UNC93A: variants seen among roughly 807,000 people sequenced by gnomAD.
UNC93A encodes N-acetylglucosamine transporter UNC93A.
A neutral mutation model predicts 47.5 loss-of-function variants in UNC93A; 43 were observed. That is an observed-to-expected ratio of 0.91 (90% confidence interval 0.71 to 1.17). The LOEUF (loss-of-function observed/expected upper bound fraction) is 1.17, where lower values mean the gene tolerates loss of function less well. UNC93A is among the 50% of genes most tolerant of loss of function. The pLI, the probability that UNC93A is intolerant of heterozygous loss-of-function variation, is 0.00. For synonymous variants in UNC93A, 280 were observed against 258.0 expected (o/e 1.09, Z -0.82); for missense variants, 605 against 577.6 (o/e 1.05, Z -0.49).
At position 167,304,128 on chromosome 6, in the gene UNC93A, A is replaced by G; in HGVS notation, c.835A>G (p.Thr279Ala). 6.2e-7 allele frequency: 1 copy of G among 1,614,208 alleles called. No individual in the cohort carries two copies. Among genetic ancestry groups the G allele is most frequent in the Non-Finnish European group, 8.5e-7 (1 of 1,180,040 alleles). Residue 279 changes from threonine to alanine, a missense_variant, in exon 5 of 8, where the codon ACA (threonine) becomes GCA (alanine). By Grantham distance (58) the Thr-to-Ala change is moderately conservative. Coordinates refer to ENST00000230256, the MANE Select transcript of UNC93A (RefSeq NM_018974.4). Reference protein sequence around the residue: ...LQQGFLSSEYTRSYVTCTLGI... With the variant: ...LQQGFLSSEYARSYVTCTLGI... The stretch of plus-strand genomic sequence containing the variant: ...GCAAGGATTCCTCTCCAGCGAATAC[A>G]CAAGGGTATGAACGAAAGTGAGGGC...
chr6:167,281,263 G>A (rs891018296), intron 1 of UNC93A, among the ~76,000 whole-genome samples: 3 of 151,700 alleles, frequency 2.0e-5, no homozygotes, highest in African/African-American at 7.3e-5. Context: ...ATCCCACGGA[G>A]AGGAGCCCCA....
At chr6:167,309,604 A>C (rs1236653549) in intron 7 of UNC93A, among the ~76,000 whole-genome samples, 1 of 152,050 alleles carries the variant, frequency 6.6e-6, no homozygotes, top group African/African-American at 2.4e-5. Flanking sequence ...GAAAAAGCAA[A>C]CCCACAAACG....
chr6:167,292,479 G>T (rs1486619215), intron 1 of UNC93A, among the ~76,000 whole-genome samples: 1 of 152,114 alleles, frequency 6.6e-6, no homozygotes, highest in Non-Finnish European at 1.5e-5. Context: ...CAAACACTTG[G>T]GACTCCTGGG....
chr6:167,315,470 G>A lies in UNC93A; in HGVS notation c.*18G>A, dbSNP rs1778669604. ...AAATGTGAGAGCAGTGAGGTCCGAG[G>A]AGGATGAACTCAGAAAGCACCAGCC... On this transcript the variant is annotated 3_prime_UTR_variant, in exon 8 of 8. Coordinates refer to ENST00000230256, the MANE Select transcript of UNC93A (RefSeq NM_018974.4). The A allele has an allele frequency of 6.2e-7, 1 of 1,613,800 alleles. No homozygotes were observed. The highest frequency in any genetic ancestry group is 1.1e-5 in the South Asian group (1 of 91,078).
At chr6:167,293,999 T>A (rs1362504615) in intron 1 of UNC93A, among the ~76,000 whole-genome samples, 2 of 152,196 alleles carry the variant, frequency 1.3e-5, no homozygotes, top group African/African-American at 4.8e-5. Flanking sequence ...CCTGGTCCAT[T>A]CTCAAACCTT....
intron 1 of UNC93A, among the ~76,000 whole-genome samples, chr6:167,272,983 A>T (rs533455123): frequency 7.5e-4 from 114 of 151,962 alleles, no homozygotes; most frequent in African/African-American, 2.7e-3. Context: ...GCCCTGGCAG[A>T]GGAGGAGGTT....
At chr6:167,313,504 G>C (rs929702732) in intron 7 of UNC93A, among the ~76,000 whole-genome samples, 3 of 151,960 alleles carry the variant, frequency 2.0e-5, no homozygotes, top group African/African-American at 7.3e-5. Flanking sequence ...GGGAGATGGT[G>C]GGGGGGCTGG....
chr6:167,307,214 A>C (rs1358195223), intron 6 of UNC93A, among the ~76,000 whole-genome samples: 1 of 152,158 alleles, frequency 6.6e-6, no homozygotes, highest in African/African-American at 2.4e-5. Context: ...TCCCAACATG[A>C]TGCCAGACCA....
chr6:167,270,692 T>C (rs532168685), upstream of UNC93A, among the ~76,000 whole-genome samples: 1 of 152,234 alleles, frequency 6.6e-6, no homozygotes, highest in African/African-American at 2.4e-5. Context: ...ACCAATGTCC[T>C]CATGGGAGGA....
At position 167,291,587 on chromosome 6, in the gene UNC93A, C is replaced by T; in HGVS notation, c.87+11C>T. 2 of 1,600,256 alleles carry T rather than the reference C, an allele frequency of 1.2e-6. No individual in the cohort carries two copies. The highest frequency in any genetic ancestry group is 1.7e-6 in the Non-Finnish European group (2 of 1,174,842). ...CTGCAGAGCCTGCAGGTATGTGTGTCCGGTCATCAAATTACCTGAACTTCT... is the reference window on the plus strand; with the variant it reads ...CTGCAGAGCCTGCAGGTATGTGTGTTCGGTCATCAAATTACCTGAACTTCT... On this transcript the variant is annotated intron_variant, in intron 1 of 7. Coordinates refer to ENST00000230256, the MANE Select transcript of UNC93A (RefSeq NM_018974.4).
At position 167,307,783 on chromosome 6, in the gene UNC93A, G is replaced by A. The variant is rs753203183; in HGVS notation, c.981G>A (p.Ala327=). The change falls in exon 7 of 8, where the codon GCG becomes GCA. Residue 327 remains alanine (A), a synonymous_variant. Transcript: ENST00000230256. ...TGRAVLYVLG[A]VTHVSCMIAL... Reference sequence around the variant, plus strand: ...GTTTCCCCTCTGCACCCCCAGGCGCGGTGACCCACGTGTCCTGCATGATTG... The same window carrying A: ...GTTTCCCCTCTGCACCCCCAGGCGCAGTGACCCACGTGTCCTGCATGATTG... 6.0e-5 allele frequency: 97 copies of A among 1,613,506 alleles called. 1 individual carries two copies. The South Asian group carries it at 6.8e-4, about 11-fold the overall frequency.
chr6:167,314,204 C>T (rs1017025696), intron 7 of UNC93A, among the ~76,000 whole-genome samples: 1 of 150,578 alleles, frequency 6.6e-6, no homozygotes, highest in Admixed American at 6.6e-5. Context: ...AGCGAATCTT[C>T]GGCAAGACGG....
intron 2 of UNC93A, among the ~76,000 whole-genome samples, 163 bp downstream of exon 2, chr6:167,294,861 G>A (rs374559469): frequency 1.6e-4 from 25 of 152,000 alleles, no homozygotes; most frequent in East Asian, 1.5e-3. Flanking sequence ...GGTGACAGAC[G>A]GTGCTGGGCT....
chr6:167,282,788 G>T (rs1783655431), intron 1 of UNC93A, among the ~76,000 whole-genome samples: 1 of 152,150 alleles, frequency 6.6e-6, no homozygotes, highest in Admixed American at 6.5e-5. Context: ...TATGTTCTAG[G>T]GAGACAGAAG....
At chr6:167,274,142 C>A (rs73790138) in intron 1 of UNC93A, among the ~76,000 whole-genome samples, 5 of 152,096 alleles carry the variant, frequency 3.3e-5, no homozygotes, top group Admixed American at 2.6e-4. Context: ...TGTGAAGTTA[C>A]GCCAGAGTAA....
intron 1 of UNC93A, among the ~76,000 whole-genome samples, chr6:167,275,015 A>T (rs1045033028): frequency 6.6e-6 from 1 of 152,168 alleles, no homozygotes; most frequent in Non-Finnish European, 1.5e-5. Context: ...TGTGGTTCTA[A>T]GATGGACTGA....
At chr6:167,304,731 T>C (rs4709161) in intron 5 of UNC93A, among the ~76,000 whole-genome samples, 61,566 of 151,874 alleles carry the variant, frequency 0.41, 12,621 homozygotes, top group East Asian at 0.48. Context: ...CCACCACGCC[T>C]GGGTAATTTT....
At chr6:167,275,620 C>T (rs1783526478) in intron 1 of UNC93A, among the ~76,000 whole-genome samples, 1 of 152,238 alleles carries the variant, frequency 6.6e-6, no homozygotes, top group Admixed American at 6.5e-5. Flanking sequence ...TGTGCAGCAT[C>T]AGGCAGGCCT....
Position 167,295,547 on chromosome 6 carries a change from C to G in UNC93A, c.270-485C>G, listed in dbSNP as rs111614799. On this transcript the variant is annotated intron_variant, in intron 2 of 7. Transcript: ENST00000230256. ...CTCGCCTGCCTCGTGCTCCTCGCCT[C>G]CCTCGTGCTCCTCGCCTCCCTCGTG... is the stretch of plus-strand genomic sequence containing the variant. Among the ~76,000 whole-genome samples the G allele has an allele frequency of 4.3e-3, 343 of 79,990 alleles. 8 individuals carry two copies. The highest frequency in any genetic ancestry group is 9.5e-3 in the East Asian group (20 of 2,098). The allele number at this position is 79,990 out of a possible 152,430, so 52.5% of individuals were successfully genotyped here.
Sources: gnomAD v4.1 joint callset for allele counts (sites outside exome capture counted in the v4.1 genomes callset) on GRCh38, gnomAD v4.1.1 for gene constraint, MANE v1.5 for transcripts, NCBI Gene and HGNC (gene_info 2026-07-23, HGNC 2026-07-21) for gene names.